ZNF568: variants seen among roughly 807,000 people sequenced by gnomAD.
ZNF568 encodes the protein zinc finger protein 568, also known as p53 inhibitor of SCO2 activation.
In ZNF568, 11 loss-of-function variants were observed where a neutral mutation model predicts 18.1. That is an observed-to-expected ratio of 0.61 (90% CI 0.38 to 1.00). The LOEUF (loss-of-function observed/expected upper bound fraction) is 1.00. Among genes scored for constraint, ZNF568 ranks in the 50% least tolerant of loss-of-function variants. The pLI is 0.01. For synonymous variants in ZNF568, 213 were observed against 246.6 expected (o/e 0.86, Z 1.28); for missense variants, 639 against 768.2 (o/e 0.83, Z 1.99).
chr19:36,941,137 T>C (rs566074585), intron 6 of ZNF568, among the ~76,000 whole-genome samples: 9 of 152,308 alleles, frequency 5.9e-5, no homozygotes, highest in African/African-American at 1.9e-4. Context: ...TGGTCAATTA[T>C]AAGCAGGGGT....
In ZNF568 at chr19:36,949,685, TGTGAC is replaced by T; in HGVS notation, c.533_537del (p.Cys178PhefsTer3). 6.2e-7 allele frequency: 1 copy of T among 1,613,786 alleles called. No homozygotes were observed. The highest frequency in any genetic ancestry group is 1.1e-5 in the South Asian group (1 of 91,022). On this transcript the variant is annotated frameshift_variant, in exon 7 of 7. Coordinates refer to ENST00000333987, the MANE Select transcript of ZNF568 (RefSeq NM_198539.4). LOFTEE classifies it low-confidence loss of function (END_TRUNC). The stretch of plus-strand genomic sequence containing the variant: ...TACTTCAAGACAAAGCTTCTATGAC[TGTGAC>T]TCACTTGATAAGGGTTTGGAACATA...
chr19:36,955,771 T>C (rs1465197102), downstream of ZNF568, among the ~76,000 whole-genome samples: 1 of 152,116 alleles, frequency 6.6e-6, no homozygotes, highest in Non-Finnish European at 1.5e-5. Context: ...AATTGATAGA[T>C]TTCAGATACA....
At chr19:36,920,889 A>G (rs1350351700) in intron 2 of ZNF568, among the ~76,000 whole-genome samples, 1 of 151,620 alleles carries the variant, frequency 6.6e-6, no homozygotes, top group African/African-American at 2.4e-5. Context: ...TATTTTTACC[A>G]TTTCTCTCCT....
chr19:36,932,860 C>G (rs115364853), intron 4 of ZNF568, among the ~76,000 whole-genome samples: 2,074 of 152,206 alleles, frequency 0.014, 57 homozygotes, highest in African/African-American at 0.047. Context: ...CTATTCAGAG[C>G]CTTTGCCCAC....
downstream of ZNF568, among the ~76,000 whole-genome samples, chr19:36,955,113 C>T (rs554397786): frequency 1.3e-3 from 193 of 152,206 alleles, no homozygotes; most frequent in South Asian, 1.0e-3. Flanking sequence ...CCACCATGCC[C>T]AGCCTGTAAA....
At chr19:36,942,974 TAC>T (rs2073908914) in intron 6 of ZNF568, among the ~76,000 whole-genome samples, 1 of 152,194 alleles carries the variant, frequency 6.6e-6, no homozygotes, top group Non-Finnish European at 1.5e-5. Context: ...TCACAGACTA[TAC>T]AAAAGCAGGC....
intron 7 of ZNF568, chr19:36,976,332 A>T (rs2074285025): frequency 6.6e-6 from 1 of 152,030 alleles, no homozygotes; most frequent in Non-Finnish European, 1.5e-5. Flanking sequence ...TACAGATGTG[A>T]TCTTGTTTAA....
downstream of ZNF568, among the ~76,000 whole-genome samples, chr19:36,983,244 C>CA (rs1568406797): frequency 1.3e-5 from 2 of 152,152 alleles, no homozygotes; most frequent in South Asian, 4.2e-4. Context: ...TGGCCCTTGA[C>CA]AAAAAAAGTT....
chr19:36,942,856 A>C (rs2073906455), intron 6 of ZNF568, among the ~76,000 whole-genome samples: 2 of 152,122 alleles, frequency 1.3e-5, no homozygotes, highest in South Asian at 4.1e-4. Flanking sequence ...ATAATTTCTT[A>C]CTATCATCTT....
rs747712951 is a variant in ZNF568 at position 36,950,051 on chromosome 19, C to T, written c.898C>T (p.His300Tyr). 1.2e-6 allele frequency: 2 copies of T among 1,613,684 alleles called. No individual in the cohort carries two copies. The highest frequency in any genetic ancestry group is 1.7e-6 in the Non-Finnish European group (2 of 1,179,854). Residue 300 changes from histidine to tyrosine, a missense_variant, in exon 7 of 7, where the codon CAT becomes TAT. Transcript: ENST00000333987. Reference sequence around the variant, plus strand: ...AAACCTTATTAGACACCACAGAATTCATACTGGGGAGAAACCTTATGCATG... The same window carrying T: ...AAACCTTATTAGACACCACAGAATTTATACTGGGGAGAAACCTTATGCATG... ...MSNLIRHHRI[H>Y]TGEKPYACKD...
At chr19:36,925,294 T>A in intron 4 of ZNF568, 36 bp downstream of exon 4, 1 of 1,594,806 alleles carries the variant, frequency 6.3e-7, no homozygotes, top group South Asian at 1.1e-5. Context: ...CCTGCATTAT[T>A]TTGCAGTGCA....
intron 4 of ZNF568, among the ~76,000 whole-genome samples, chr19:36,993,986 T>C (rs1158724172): frequency 6.6e-6 from 1 of 151,886 alleles, no homozygotes; most frequent in Non-Finnish European, 1.5e-5. Context: ...CCTTAAGATA[T>C]ACAGTTAGAT....
At chr19:36,995,448 T>C (rs552566322) in intron 4 of ZNF568, among the ~76,000 whole-genome samples, 1 of 152,168 alleles carries the variant, frequency 6.6e-6, no homozygotes, top group Non-Finnish European at 1.5e-5. Flanking sequence ...AGATTGCATA[T>C]ACTTGGATCA....
intron 6 of ZNF568, among the ~76,000 whole-genome samples, chr19:36,942,384 G>A (rs1205189145): frequency 1.3e-5 from 2 of 151,584 alleles, no homozygotes; most frequent in Non-Finnish European, 2.9e-5. Context: ...CAGATTATGA[G>A]GTCAGGAGAT....
At chr19:36,991,183 A>G in exon 3 of ZNF568, 1 of 1,534,232 alleles carries the variant, frequency 6.5e-7, no homozygotes, top group South Asian at 1.2e-5. Context: ...CAGGGCTTGA[A>G]GTTCAAAGAT....
At chr19:36,980,828 C>T (rs1283121843), downstream of ZNF568, among the ~76,000 whole-genome samples, 1 of 152,164 alleles carries the variant, frequency 6.6e-6, no homozygotes, top group Non-Finnish European at 1.5e-5. Context: ...TTTCCAGCAT[C>T]TGTCCTCCCT....
At chr19:36,941,918 T>C (rs1011091287) in intron 6 of ZNF568, among the ~76,000 whole-genome samples, 1 of 147,988 alleles carries the variant, frequency 6.8e-6, no homozygotes, top group Non-Finnish European at 1.5e-5. Context: ...TTTTTGACTT[T>C]TTTTAACTAT....
chr19:36,954,153 G>A (rs2074090280), downstream of ZNF568, among the ~76,000 whole-genome samples: 1 of 151,528 alleles, frequency 6.6e-6, no homozygotes, highest in South Asian at 2.1e-4. Context: ...GAACCTAGAG[G>A]GGCGGAGGTT....
intron 6 of ZNF568, among the ~76,000 whole-genome samples, chr19:36,964,205 AAATATTACTTTCTTGTT>A (rs1382014316): frequency 2.0e-5 from 3 of 151,998 alleles, no homozygotes; most frequent in African/African-American, 7.3e-5. Flanking sequence ...AACGTTTGTG[AAATATTACTTTCTTGTT>A]ACATAGTGGA....
Sources: allele counts gnomAD v4.1 joint callset (sites outside exome capture counted in the v4.1 genomes callset), GRCh38; gene constraint gnomAD v4.1.1; transcripts MANE v1.5; gene names NCBI Gene and HGNC (gene_info 2026-07-23, HGNC 2026-07-21).